IQSEC2: variants seen among roughly 807,000 people sequenced by gnomAD.
IQSEC2 encodes the protein IQ motif and SEC7 domain-containing protein 2.
A neutral mutation model predicts 74.6 loss-of-function variants in IQSEC2; 6 were observed. The observed-to-expected ratio is 0.08, with a 90% CI of 0.04 to 0.16. IQSEC2 has a LOEUF of 0.16. Among genes scored for constraint, IQSEC2 ranks in the 10% least tolerant of loss-of-function variants. The probability of loss-of-function intolerance (pLI) is 1.00; values close to 1 mark genes in which losing one functional copy is unlikely to be tolerated. For synonymous variants in IQSEC2, 494 were observed against 544.5 expected (o/e 0.91, Z 1.29); for missense variants, 734 against 1,306.2 (o/e 0.56, Z 6.75).
intron 2 of IQSEC2, 63 bp from the exon 3 acceptor site, chrX:53,256,124 C>T: frequency 3.8e-6 from 4 of 1,045,504 alleles, no homozygotes; most frequent in Non-Finnish European, 5.1e-6. Context: ...CTGGGCCATA[C>T]TGAGAGTGGG....
intron 1 of IQSEC2, among the ~76,000 whole-genome samples, chrX:53,311,642 A>G (rs1264517758): frequency 8.9e-6 from 1 of 112,245 alleles, no homozygotes; most frequent in Non-Finnish European, 1.9e-5. Context: ...TTGGCCAGGC[A>G]TGGTGGCTCA....
rs973234352 is a variant in IQSEC2 at position 53,254,452 on chromosome X, T to C, written c.1401+78A>G. On this transcript the variant is annotated intron_variant, in intron 4 of 14. Transcript: ENST00000642864. ...TGCCTGTCACGCAACTTCTTTCAGT[T>C]TGCAATCTAGGTAAAAAGTAGCAGG... 60 of 1,008,307 alleles carry C rather than the reference T, an allele frequency of 6.0e-5. No individual in the cohort carries two copies. In the African/African-American group the frequency reaches 1.1e-3, roughly 18 times the overall value. 83.1% of individuals were successfully genotyped at this position (1,008,307 alleles called of 1,213,427 possible).
At chrX:53,310,804 G>C (rs782800054) in intron 1 of IQSEC2, among the ~76,000 whole-genome samples, 1 of 110,706 alleles carries the variant, frequency 9.0e-6, no homozygotes, top group Non-Finnish European at 1.9e-5. Context: ...CCTGAGCTAG[G>C]GGGAGAAAGA....
chrX:53,277,997 CTTTTTCTTTTTTTTTT>C (rs2074866091), intron 2 of IQSEC2, among the ~76,000 whole-genome samples: 1 of 73,939 alleles, frequency 1.4e-5, no homozygotes, highest in Non-Finnish European at 2.5e-5. Flanking sequence ...CTTTTCTTTT[CTTTTTCTTTTTTTTTT>C]TTTTTTTTTT....
intron 1 of IQSEC2, among the ~76,000 whole-genome samples, chrX:53,295,830 A>T: frequency 9.1e-6 from 1 of 110,086 alleles, no homozygotes; most frequent in East Asian, 2.8e-4. Context: ...CTGGGGAACA[A>T]TATGGTGCCT....
intron 12 of IQSEC2, among the ~76,000 whole-genome samples, chrX:53,237,100 A>G (rs1164087800): frequency 8.9e-6 from 1 of 111,932 alleles, no homozygotes; most frequent in Non-Finnish European, 1.9e-5. Flanking sequence ...TGAGGTCAGT[A>G]TTAGCATCCA....
At position 53,234,026 on chromosome X, in the gene IQSEC2, C is replaced by T. The variant is rs782533389; in HGVS notation, c.*193G>A. 16 of 303,869 alleles carry T rather than the reference C, an allele frequency of 5.3e-5. No individual in the cohort carries two copies. Among genetic ancestry groups the T allele is most frequent in the African/African-American group, 1.7e-4 (6 of 35,780 alleles). The allele number at this position is 303,869 out of a possible 1,213,427, so 25.0% of individuals were successfully genotyped here. A position where few individuals can be genotyped will look rare whatever the true frequency, so the allele number is the denominator to read the frequency against. On this transcript the variant is annotated 3_prime_UTR_variant, in exon 15 of 15. Transcript: ENST00000642864. ...CCAGGCTTCAAGTGGCAAGGATCCT[C>T]GAATCTGGAAGGAAACCCCATGGCA...
chrX:53,274,629 T>G (rs782332222), intron 2 of IQSEC2, among the ~76,000 whole-genome samples: 38 of 107,756 alleles, frequency 3.5e-4, no homozygotes, highest in Non-Finnish European at 6.7e-4. Context: ...GCCTGGCTAA[T>G]TTTTTGTATT....
At chrX:53,307,389 G>A (rs1416461336) in intron 1 of IQSEC2, among the ~76,000 whole-genome samples, 2 of 90,927 alleles carry the variant, frequency 2.2e-5, no homozygotes, top group East Asian at 3.6e-4. Flanking sequence ...CGATCCTCCC[G>A]CCTCAGCCTC....
chrX:53,299,507 G>C (rs1214643017), intron 1 of IQSEC2, among the ~76,000 whole-genome samples: 1 of 111,469 alleles, frequency 9.0e-6, no homozygotes, highest in African/African-American at 3.3e-5. Context: ...TGTCCTAGAA[G>C]TGGGGGAGTT....
At chrX:53,295,468 G>A (rs2075141705) in intron 1 of IQSEC2, among the ~76,000 whole-genome samples, 1 of 108,339 alleles carries the variant, frequency 9.2e-6, no homozygotes, top group African/African-American at 3.4e-5. Flanking sequence ...GCCGGGCATG[G>A]TGGTGGGTGC....
intron 1 of IQSEC2, among the ~76,000 whole-genome samples, chrX:53,308,598 T>C (rs971710123): frequency 9.0e-6 from 1 of 111,278 alleles, no homozygotes; most frequent in African/African-American, 3.3e-5. Context: ...CATTGCTAGA[T>C]ACACAAGTAC....
intron 2 of IQSEC2, among the ~76,000 whole-genome samples, chrX:53,273,992 A>C (rs2074782389): frequency 8.8e-6 from 1 of 113,003 alleles, no homozygotes; most frequent in Non-Finnish European, 1.9e-5. Flanking sequence ...TTTAAAGTGC[A>C]CATAAAAGTT....
At chrX:53,248,922 T>C in intron 5 of IQSEC2, 40 bp from the exon 6 acceptor site, 2 of 1,177,396 alleles carry the variant, frequency 1.7e-6, no homozygotes, top group South Asian at 3.7e-5. Context: ...ACTGTCCTCC[T>C]GGAACTGTGC....
chrX:53,285,561 C>T (rs1456291010), intron 2 of IQSEC2, among the ~76,000 whole-genome samples: 1 of 112,264 alleles, frequency 8.9e-6, no homozygotes, highest in Non-Finnish European at 1.9e-5. Flanking sequence ...TGATATTTAG[C>T]AGACATTTTC....
At chrX:53,255,051 GC>G in intron 3 of IQSEC2, 120 bp from the exon 4 acceptor site, 1 of 662,779 alleles carries the variant, frequency 1.5e-6, no homozygotes, top group Non-Finnish European at 2.3e-6. Flanking sequence ...CACCGAGAGC[GC>G]CAGGCTAGGT....
At chrX:53,279,809 G>A (rs1556870391) in intron 2 of IQSEC2, 3 of 443,780 alleles carry the variant, frequency 6.8e-6, no homozygotes, top group Non-Finnish European at 1.2e-5. Context: ...AATGGAAGAG[G>A]AGGCGTGGGA....
chrX:53,236,559 G>T, intron 12 of IQSEC2, 64 bp from the exon 13 acceptor site: 1 of 1,088,196 alleles, frequency 9.2e-7, no homozygotes, highest in Non-Finnish European at 1.2e-6. Flanking sequence ...CCATCTGACT[G>T]ACCCTAGCCC....
chrX:53,278,925 C>G (rs1276193351), intron 2 of IQSEC2, among the ~76,000 whole-genome samples: 1 of 112,351 alleles, frequency 8.9e-6, no homozygotes, highest in Non-Finnish European at 1.9e-5. Flanking sequence ...CACCTGTAAT[C>G]CCAACACTTT....
Sources: allele counts gnomAD v4.1 joint callset (sites outside exome capture counted in the v4.1 genomes callset), GRCh38; gene constraint gnomAD v4.1.1; transcripts MANE v1.5; gene names NCBI Gene and HGNC (gene_info 2026-07-23, HGNC 2026-07-21).